The following ZDHHC5 variants were observed in gnomAD, a reference collection of about 807,000 sequenced individuals.
ZDHHC5 encodes zDHHC palmitoyltransferase 5, also known as palmitoyltransferase ZDHHC5.
In ZDHHC5, 22 loss-of-function variants were observed where a neutral mutation model predicts 70.0. The ratio of observed to expected loss-of-function variants is 0.31; its 90% CI spans 0.22 to 0.45. ZDHHC5 has a LOEUF of 0.45. Ranked by LOEUF, ZDHHC5 falls within the 20% of genes least tolerant of loss-of-function variation. The probability of loss-of-function intolerance (pLI) is 1.00; values close to 1 mark genes in which losing one functional copy is unlikely to be tolerated. For synonymous variants in ZDHHC5, 313 were observed against 347.8 expected (o/e 0.90, Z 1.11); for missense variants, 746 against 926.9 (o/e 0.80, Z 2.53).
intron 11 of ZDHHC5, 68 bp from the exon 12 acceptor site, chr11:57,699,798 A>T (rs1473322687): frequency 6.3e-7 from 1 of 1,593,268 alleles, no homozygotes; most frequent in Non-Finnish European, 8.6e-7. Flanking sequence ...TGAACCTTTG[A>T]AACTGTCTCC....
chr11:57,692,835 C>T (rs1946303359), intron 7 of ZDHHC5, 133 bp downstream of exon 7: 3 of 832,288 alleles, frequency 3.6e-6, no homozygotes, highest in Non-Finnish European at 5.6e-6. Context: ...TAAGTACCCA[C>T]TCTATCTTAG....
At chr11:57,675,217 T>A (rs1348359404) in intron 2 of ZDHHC5, among the ~76,000 whole-genome samples, 1 of 152,206 alleles carries the variant, frequency 6.6e-6, no homozygotes, top group Non-Finnish European at 1.5e-5. Flanking sequence ...GAGGGTCTAT[T>A]TTCCTTTAAG....
chr11:57,682,608 C>T (rs916481319), intron 3 of ZDHHC5, 65 bp downstream of exon 3: 19 of 1,550,246 alleles, frequency 1.2e-5, no homozygotes, highest in Non-Finnish European at 1.6e-5. Context: ...GTTGGCCATA[C>T]ACAGTTGATC....
rs1364186570 is a variant in ZDHHC5, at chr11:57,673,193, A to T, written c.103A>T (p.Thr35Ser). Residue 35 changes from threonine (T) to serine (S), a missense_variant and splice_region_variant, in exon 2 of 12, where the codon ACG becomes TCG. Transcript: ENST00000287169. ...AGCTACGACACTCTTCTTTGCCTTT[A>T]CGTGAGTTTTCTCCCAGCAGGGGTG... is the stretch of plus-strand genomic sequence containing the variant. ...VGATTLFFAF[T>S]CPGLSLYVSP... 1 of 1,613,476 alleles carries T rather than the reference A, an allele frequency of 6.2e-7. No homozygotes were observed. The highest frequency in any genetic ancestry group is 1.3e-5 in the African/African-American group (1 of 74,912).
rs2135376661 is a variant in ZDHHC5, at chr11:57,672,868, C to T, written c.-223C>T. Reference sequence around the variant, plus strand: ...GCCTTGTTCTGGGGAGGTGGTTATTCATCATTTGGAATCACCTTTCCCCCT... The same window carrying T: ...GCCTTGTTCTGGGGAGGTGGTTATTTATCATTTGGAATCACCTTTCCCCCT... On this transcript the variant is annotated 5_prime_UTR_variant, in exon 2 of 12. Transcript: ENST00000287169. 1 of 495,822 alleles carries T rather than the reference C, an allele frequency of 2.0e-6. No individual in the cohort carries two copies. The highest frequency in any genetic ancestry group is 3.7e-6 in the Non-Finnish European group (1 of 272,296). The allele number at this position is 495,822 out of a possible 1,614,324, so 30.7% of individuals were successfully genotyped here.
chr11:57,693,998 TG>T, intron 8 of ZDHHC5, 83 bp downstream of exon 8: 4 of 1,416,382 alleles, frequency 2.8e-6, no homozygotes, highest in East Asian at 2.7e-5. Context: ...TAGTTTCCTT[TG>T]TGTTTTTTTT....
At chr11:57,684,033 G>A (rs1195569692) in intron 3 of ZDHHC5, among the ~76,000 whole-genome samples, 2 of 145,696 alleles carry the variant, frequency 1.4e-5, no homozygotes, top group African/African-American at 5.0e-5. Context: ...GTGCAGTGGC[G>A]CAATCACGGC....
At chr11:57,678,984 TATTA>T (rs900759762) in intron 2 of ZDHHC5, among the ~76,000 whole-genome samples, 2 of 152,144 alleles carry the variant, frequency 1.3e-5, no homozygotes, top group Admixed American at 6.5e-5. Flanking sequence ...CATAGAGAAG[TATTA>T]ATTGAGGCAG....
At position 57,668,992 on chromosome 11, in the gene ZDHHC5, C is replaced by T. The variant is rs1565188041; in HGVS notation, c.-1071+805C>T. Among the ~76,000 whole-genome samples, 5 of 152,320 alleles carry T rather than the reference C, an allele frequency of 3.3e-5. No individual in the cohort carries two copies. In the South Asian group the frequency reaches 8.3e-4, roughly 25 times the overall value. On this transcript the variant is annotated intron_variant, in intron 1 of 11. Coordinates refer to ENST00000287169, the MANE Select transcript of ZDHHC5 (RefSeq NM_015457.3). The stretch of plus-strand genomic sequence containing the variant: ...ATTTTTTGCCTTGGATTCTTCACTT[C>T]CTGGTTAATGCCATCTTGACCAAGT...
At chr11:57,690,924 C>T (rs1341113225) in intron 6 of ZDHHC5, among the ~76,000 whole-genome samples, 7 of 151,998 alleles carry the variant, frequency 4.6e-5, no homozygotes, top group African/African-American at 1.5e-4. Flanking sequence ...GTGCAGCACA[C>T]CAACATGGCA....
At chr11:57,680,091 A>G (rs1946129697) in intron 2 of ZDHHC5, among the ~76,000 whole-genome samples, 1 of 152,220 alleles carries the variant, frequency 6.6e-6, no homozygotes, top group Non-Finnish European at 1.5e-5. Flanking sequence ...TGCTTTGCCT[A>G]AAAATGAAAC....
At chr11:57,690,641 A>G (rs1280275464) in intron 6 of ZDHHC5, among the ~76,000 whole-genome samples, 1 of 152,196 alleles carries the variant, frequency 6.6e-6, no homozygotes, top group Non-Finnish European at 1.5e-5. Flanking sequence ...CATTTCTCAC[A>G]TATACACCAT....
intron 9 of ZDHHC5, among the ~76,000 whole-genome samples, 194 bp downstream of exon 9, chr11:57,696,237 A>T (rs1170251964): frequency 6.6e-6 from 1 of 152,214 alleles, no homozygotes; most frequent in Admixed American, 6.5e-5. Context: ...AGTGAATGGG[A>T]CTTTTGCCGG....
Position 57,690,421 on chromosome 11 carries a change from G to T in ZDHHC5, c.644G>T (p.Arg215Leu). 3 of 1,614,126 alleles carry T rather than the reference G, an allele frequency of 1.9e-6. No individual in the cohort carries two copies. ...GFHVVLVARG[R>L]TTNEQVTGKF... is the part of the protein sequence containing the mutation. ...CACGTGGTTCTGGTGGCCAGGGGAC[G>T]CACAACCAATGAACAGGTATGGAGA... Residue 215 changes from arginine to leucine, a missense_variant, in exon 6 of 12, where the codon CGC becomes CTC. Transcript: ENST00000287169.
chr11:57,673,030 G>C lies in ZDHHC5; in HGVS notation c.-61G>C, dbSNP rs1946025962. The C allele has an allele frequency of 5.2e-6, 8 of 1,536,744 alleles. No individual in the cohort carries two copies. The East Asian group carries it at 1.8e-4, about 35-fold the overall frequency. On this transcript the variant is annotated 5_prime_UTR_variant, in exon 2 of 12. Transcript: ENST00000287169. ...CTTCCCTCCTCCCATTTTCTTGTCTGTTCTGCCGCTGTGTGGGCCTGGGCT... is the reference window on the plus strand; with the variant it reads ...CTTCCCTCCTCCCATTTTCTTGTCTCTTCTGCCGCTGTGTGGGCCTGGGCT...
intron 10 of ZDHHC5, 138 bp downstream of exon 10, chr11:57,697,011 A>C: frequency 3.7e-6 from 3 of 816,028 alleles, no homozygotes; most frequent in Non-Finnish European, 3.9e-6. Context: ...CCTGGCCAAC[A>C]TGGTGAAACC....
chr11:57,692,462 TTAACCA>T lies in ZDHHC5; in HGVS notation c.661-144_661-139del, dbSNP rs1199635455. The T allele has an allele frequency of 6.0e-6, 4 of 670,204 alleles. No individual in the cohort carries two copies. The African/African-American group carries it at 7.2e-5, about 12-fold the overall frequency. 41.5% of individuals were successfully genotyped at this position (670,204 alleles called of 1,614,324 possible). On this transcript the variant is annotated intron_variant, in intron 6 of 11. Transcript: ENST00000287169. ...GACCCTGACTGTAGATTCCCTGCTCTTAACCATAACATATATAAATTTCTTGTGTTT... is the reference window on the plus strand; with the variant it reads ...GACCCTGACTGTAGATTCCCTGCTCTTAACATATATAAATTTCTTGTGTTT...
intron 2 of ZDHHC5, among the ~76,000 whole-genome samples, chr11:57,675,170 A>G (rs1371601278): frequency 1.3e-5 from 2 of 152,194 alleles, no homozygotes; most frequent in Non-Finnish European, 2.9e-5. Context: ...GGGTATGTAC[A>G]AGACCAGTTT....
chr11:57,674,542 A>G (rs908578357), intron 2 of ZDHHC5, among the ~76,000 whole-genome samples: 2 of 152,154 alleles, frequency 1.3e-5, no homozygotes, highest in Non-Finnish European at 2.9e-5. Flanking sequence ...TCAGAGCAAC[A>G]TGAGGTTGCT....
Sources: allele counts gnomAD v4.1 joint callset (sites outside exome capture counted in the v4.1 genomes callset), GRCh38; gene constraint gnomAD v4.1.1; transcripts MANE v1.5; gene names NCBI Gene and HGNC (gene_info 2026-07-23, HGNC 2026-07-21).